FUT9: variants seen among roughly 807,000 people sequenced by gnomAD.
FUT9 encodes fucosyltransferase 9, also known as 4-galactosyl-N-acetylglucosaminide 3-alpha-L-fucosyltransferase 9.
Under a neutral mutation model 29.7 loss-of-function variants are expected in FUT9, and 15 were observed. The observed-to-expected ratio is 0.51, with a 90% CI of 0.34 to 0.78. The LOEUF (loss-of-function observed/expected upper bound fraction) is 0.78, where lower values mean the gene tolerates loss of function less well. Among genes scored for constraint, FUT9 ranks in the 30% least tolerant of loss-of-function variants. The pLI is 0.01. For missense variants in FUT9, 319 were observed against 425.4 expected (o/e 0.75, Z 2.20); for synonymous variants, 169 against 153.7 (o/e 1.10, Z -0.74).
chr6:96,093,655 A>G (rs1465326961), intron 1 of FUT9, among the ~76,000 whole-genome samples: 2 of 152,184 alleles, frequency 1.3e-5, no homozygotes, highest in Admixed American at 6.6e-5. Context: ...TGCCCATATT[A>G]TTTATGAGCA....
At chr6:96,147,708 G>A (rs4278030) in intron 2 of FUT9, among the ~76,000 whole-genome samples, 86,083 of 151,254 alleles carry the variant, frequency 0.57, 25,391 homozygotes, top group East Asian at 0.77. Flanking sequence ...CATCCTTTCT[G>A]TGCTAATTGA....
intron 2 of FUT9, among the ~76,000 whole-genome samples, chr6:96,152,385 C>T (rs1380439715): frequency 6.6e-6 from 1 of 152,142 alleles, no homozygotes; most frequent in Admixed American, 6.5e-5. Flanking sequence ...CCTCATAGCA[C>T]TCCTTGTATT....
intron 2 of FUT9, among the ~76,000 whole-genome samples, chr6:96,120,196 CT>C (rs1771995648): frequency 1.3e-5 from 2 of 149,042 alleles, no homozygotes; most frequent in South Asian, 4.3e-4. Context: ...GTTTTGTTTG[CT>C]TGTTTTGTTT....
intron 1 of FUT9, among the ~76,000 whole-genome samples, chr6:96,058,467 C>T (rs1458988253): frequency 3.5e-4 from 6 of 17,076 alleles, no homozygotes; most frequent in South Asian, 5.2e-3. Context: ...TGGCTTTATT[C>T]CAAAAAAAAA....
chr6:96,132,790 G>A lies in FUT9; in HGVS notation c.-9+18663G>A, dbSNP rs115130500. On this transcript the variant is annotated intron_variant, in intron 2 of 2. Coordinates refer to ENST00000302103, the MANE Select transcript of FUT9 (RefSeq NM_006581.4). ...AAAAAGCATATAACAGTTCCTATAA[G>A]CTTTCCTAAAACATTTATGAAGTAT... is the stretch of plus-strand genomic sequence containing the variant. Among the ~76,000 whole-genome samples, 1,009 of 152,140 alleles carry A rather than the reference G, an allele frequency of 6.6e-3. 11 individuals are homozygous for A. The highest frequency in any genetic ancestry group is 0.023 in the African/African-American group (961 of 41,536).
At chr6:96,177,407 A>G (rs1337527864) in intron 2 of FUT9, among the ~76,000 whole-genome samples, 1 of 152,118 alleles carries the variant, frequency 6.6e-6, no homozygotes, top group East Asian at 1.9e-4. Context: ...TTCCCCTACA[A>G]CAGTCCTCCT....
intron 1 of FUT9, among the ~76,000 whole-genome samples, chr6:96,102,319 C>T (rs1771602035): frequency 6.6e-6 from 1 of 151,850 alleles, no homozygotes; most frequent in Admixed American, 6.6e-5. Flanking sequence ...AAATACAGCA[C>T]TAAATTTACC....
intron 2 of FUT9, among the ~76,000 whole-genome samples, chr6:96,143,227 G>A (rs900757871): frequency 6.6e-6 from 1 of 152,146 alleles, no homozygotes; most frequent in Non-Finnish European, 1.5e-5. Context: ...ACCCCTTTCT[G>A]CCATGTGATG....
In FUT9 at chr6:96,203,496, G is replaced by T. The variant is rs376403164; in HGVS notation, c.341G>T (p.Ser114Ile). 6.2e-7 allele frequency: 1 copy of T among 1,612,088 alleles called. No individual in the cohort carries two copies. Among genetic ancestry groups the T allele is most frequent in the Non-Finnish European group, 8.5e-7 (1 of 1,179,102 alleles). Residue 114 changes from serine to isoleucine, a missense_variant, in exon 3 of 3, where the codon AGT becomes ATT. Coordinates refer to ENST00000302103, the MANE Select transcript of FUT9 (RefSeq NM_006581.4). Reference protein sequence around the residue: ...HAVLIHHRDISWDLTNLPQQA... With the variant: ...HAVLIHHRDIIWDLTNLPQQA... ...GTTCTGATCCATCACCGAGACATCA[G>T]TTGGGATCTGACAAATTTACCTCAG... is the stretch of plus-strand genomic sequence containing the variant.
At chr6:96,063,384 C>A (rs1258512076) in intron 1 of FUT9, among the ~76,000 whole-genome samples, 1 of 152,024 alleles carries the variant, frequency 6.6e-6, no homozygotes, top group African/African-American at 2.4e-5. Context: ...GGGGAACAAG[C>A]GCATCACATG....
At chr6:96,053,475 G>A (rs1303139756) in intron 1 of FUT9, among the ~76,000 whole-genome samples, 4 of 152,106 alleles carry the variant, frequency 2.6e-5, no homozygotes, top group African/African-American at 7.2e-5. Context: ...TTGGGAGGCC[G>A]AGGCAGGTGG....
intron 1 of FUT9, among the ~76,000 whole-genome samples, chr6:96,030,123 CA>C (rs1366513281): frequency 1.3e-5 from 2 of 151,604 alleles, no homozygotes; most frequent in Admixed American, 6.6e-5. Context: ...GCCTGAACAA[CA>C]TCCTCAAACA....
At chr6:96,051,866 T>C (rs1477106619) in intron 1 of FUT9, among the ~76,000 whole-genome samples, 1 of 151,950 alleles carries the variant, frequency 6.6e-6, no homozygotes, top group Non-Finnish European at 1.5e-5. Context: ...AGAATTCTGG[T>C]GGTAAAGAGC....
chr6:96,093,176 T>A (rs1771440581), intron 1 of FUT9, among the ~76,000 whole-genome samples: 1 of 152,130 alleles, frequency 6.6e-6, no homozygotes, highest in Non-Finnish European at 1.5e-5. Context: ...CCACATAAAA[T>A]CAGATATGGC....
chr6:96,147,765 T>C (rs1392726821), intron 2 of FUT9, among the ~76,000 whole-genome samples: 6 of 151,416 alleles, frequency 4.0e-5, no homozygotes, highest in Non-Finnish European at 8.8e-5. Context: ...TACAGAGTGC[T>C]AACACATCAG....
At chr6:96,083,311 A>T (rs1455450412) in intron 1 of FUT9, among the ~76,000 whole-genome samples, 2 of 152,088 alleles carry the variant, frequency 1.3e-5, no homozygotes, top group African/African-American at 4.8e-5. Flanking sequence ...TCACAAATAG[A>T]TAGATTGTAT....
chr6:96,158,429 T>G (rs1396819674), intron 2 of FUT9, among the ~76,000 whole-genome samples: 1 of 152,110 alleles, frequency 6.6e-6, no homozygotes, highest in Admixed American at 6.5e-5. Flanking sequence ...GATATTTTAT[T>G]AAGACAAGTT....
chr6:96,072,468 C>G (rs1215240672), intron 1 of FUT9, among the ~76,000 whole-genome samples: 1 of 152,054 alleles, frequency 6.6e-6, no homozygotes, highest in Non-Finnish European at 1.5e-5. Context: ...TTTTTCCTCT[C>G]TATATACTCA....
chr6:96,182,681 T>C (rs1313375305), intron 2 of FUT9, among the ~76,000 whole-genome samples: 1 of 152,140 alleles, frequency 6.6e-6, no homozygotes, highest in African/African-American at 2.4e-5. Context: ...CCCAGCACCA[T>C]TTGTGGAATA....
Sources: allele counts gnomAD v4.1 joint callset (sites outside exome capture counted in the v4.1 genomes callset), GRCh38; gene constraint gnomAD v4.1.1; transcripts MANE v1.5; gene names NCBI Gene and HGNC (gene_info 2026-07-23, HGNC 2026-07-21).